The following LRRN2 variants were observed in gnomAD, a reference collection of about 807,000 sequenced individuals.
LRRN2 encodes the protein leucine rich repeat neuronal 2.
Under a neutral mutation model 35.7 loss-of-function variants are expected in LRRN2, and 10 were observed. The observed-to-expected ratio is 0.28, with a 90% CI of 0.17 to 0.47. The LOEUF is 0.47. Among genes scored for constraint, LRRN2 ranks in the 20% least tolerant of loss-of-function variants. LRRN2 has a pLI of 0.99. For synonymous variants in LRRN2, 391 were observed against 409.6 expected (o/e 0.95, Z 0.55); for missense variants, 731 against 940.3 (o/e 0.78, Z 2.91).
intron 1 of LRRN2, chr1:204,629,406 A>G (rs1667608333): frequency 6.5e-6 from 1 of 152,750 alleles, no homozygotes; most frequent in Admixed American, 6.5e-5. Context: ...AATGTGCTAC[A>G]TATACACTGA....
intron 1 of LRRN2, among the ~76,000 whole-genome samples, chr1:204,641,005 G>A (rs201578639): frequency 1.8e-3 from 261 of 141,860 alleles, no homozygotes; most frequent in Middle Eastern, 7.1e-3. Flanking sequence ...GGTTAAAAAA[G>A]AAAAAAAAAA....
intron 1 of LRRN2, among the ~76,000 whole-genome samples, chr1:204,656,514 G>A (rs565048471): frequency 6.6e-6 from 1 of 152,244 alleles, no homozygotes; most frequent in East Asian, 1.9e-4. Flanking sequence ...TTTTGGTAGA[G>A]TACATCTTTT....
intron 1 of LRRN2, among the ~76,000 whole-genome samples, chr1:204,639,145 C>T (rs979583476): frequency 6.6e-6 from 1 of 152,218 alleles, no homozygotes; most frequent in African/African-American, 2.4e-5. Context: ...ATGGAGAGAA[C>T]CCAGGCTTAG....
rs145572339 is a variant in LRRN2, at chr1:204,618,098, A to G, written c.1895T>C (p.Ile632Thr). The G allele has an allele frequency of 5.6e-5, 91 of 1,614,084 alleles. No individual in the cohort carries two copies. The highest frequency in any genetic ancestry group is 4.9e-4 in the Middle Eastern group (3 of 6,062). ...AAGGACAGCGAGAGCCAGGATGGCA[A>G]TGAGCCCAGGACGGTCCCCTAAGGC... Reference protein sequence around the residue: ...HRALGDRPGLIAILALAVLLL... With the variant: ...HRALGDRPGLTAILALAVLLL... The change falls in exon 2 of 2, where the codon ATT becomes ACT. Residue 632 changes from isoleucine to threonine, a missense_variant. Ile to Thr is a moderately conservative substitution (Grantham distance 89). Transcript: ENST00000367177.
chr1:204,669,578 T>C (rs1416911422), intron 1 of LRRN2, among the ~76,000 whole-genome samples: 1 of 152,166 alleles, frequency 6.6e-6, no homozygotes, highest in Non-Finnish European at 1.5e-5. Context: ...TGGGGCCTGG[T>C]AAAATTCTGA....
intron 1 of LRRN2, chr1:204,633,042 G>C (rs1325754318): frequency 6.6e-6 from 1 of 152,168 alleles, no homozygotes. Context: ...CAACAGTGTT[G>C]GGAGGTGGGG....
chr1:204,637,428 G>A (rs1232397898), intron 1 of LRRN2, among the ~76,000 whole-genome samples: 2 of 152,150 alleles, frequency 1.3e-5, no homozygotes, highest in Non-Finnish European at 2.9e-5. Flanking sequence ...GCAGCCAGAG[G>A]GAGCGGCTCA....
intron 1 of LRRN2, among the ~76,000 whole-genome samples, chr1:204,684,563 C>CTG (rs1321782116): frequency 2.6e-5 from 4 of 152,208 alleles, no homozygotes; most frequent in Non-Finnish European, 2.9e-5. Context: ...CAGCCAGAGC[C>CTG]TGCGCCACCC....
chr1:204,678,918 A>C (rs55636403), intron 1 of LRRN2, among the ~76,000 whole-genome samples: 27,668 of 152,114 alleles, frequency 0.18, 2,823 homozygotes, highest in East Asian at 0.37. Context: ...ATAAACTAAA[A>C]GCTCCTGAAG....
At chr1:204,657,568 G>T (rs538231717) in intron 1 of LRRN2, among the ~76,000 whole-genome samples, 2 of 145,252 alleles carry the variant, frequency 1.4e-5, no homozygotes, top group East Asian at 5.0e-4. Context: ...TGGTTGCCAG[G>T]ATCTGGGGGA....
At chr1:204,665,232 G>A (rs919030471) in intron 1 of LRRN2, among the ~76,000 whole-genome samples, 6 of 152,250 alleles carry the variant, frequency 3.9e-5, no homozygotes, top group East Asian at 1.9e-4. Flanking sequence ...GAGTGATCAT[G>A]CATTCCCGGG....
chr1:204,647,323 C>T (rs1252070776), intron 1 of LRRN2, among the ~76,000 whole-genome samples: 2 of 152,136 alleles, frequency 1.3e-5, no homozygotes, highest in African/African-American at 4.8e-5. Flanking sequence ...TTAGATACCA[C>T]CACACTGTTA....
At position 204,619,973 on chromosome 1, in the gene LRRN2, G is replaced by A. The variant is rs3789044; in HGVS notation, c.20C>T (p.Pro7Leu). The A allele has an allele frequency of 0.21, 341,284 of 1,610,068 alleles. 38,231 individuals are homozygous for A. Among genetic ancestry groups the A allele is most frequent in the East Asian group, 0.34 (15,360 of 44,728 alleles). The change falls in exon 2 of 2, where the codon CCA (proline) becomes CTA (leucine). Residue 7 changes from proline to leucine, a missense_variant. Coordinates refer to ENST00000367177, the MANE Select transcript of LRRN2 (RefSeq NM_201630.2). The part of the protein sequence containing the change: MRLLVA[P>L]LLLAWVAGAT... ...ACCAGCCACCCAAGCTAGCAAGAGT[G>A]GGGCCACGAGAAGCCTCATGGTGGA...
intron 1 of LRRN2, chr1:204,628,289 C>CAAG (rs1667552591): frequency 6.6e-6 from 1 of 152,298 alleles, no homozygotes; most frequent in African/African-American, 2.4e-5. Context: ...CTCTCAGGCT[C>CAAG]CCCTTCCAGA....
intron 1 of LRRN2, among the ~76,000 whole-genome samples, chr1:204,638,497 C>T (rs1352791185): frequency 3.4e-5 from 5 of 144,986 alleles, no homozygotes; most frequent in East Asian, 2.0e-4. Flanking sequence ...CTGCAACCTC[C>T]GCCCTCTAGG....
At chr1:204,621,561 G>A (rs972235745) in intron 1 of LRRN2, 2 of 167,098 alleles carry the variant, frequency 1.2e-5, no homozygotes, top group African/African-American at 2.4e-5. Flanking sequence ...CCTGTAGTAC[G>A]GGATGGGTGC....
At chr1:204,668,051 C>T (rs561689386) in intron 1 of LRRN2, among the ~76,000 whole-genome samples, 13 of 152,268 alleles carry the variant, frequency 8.5e-5, no homozygotes, top group African/African-American at 3.1e-4. Context: ...CAGAGTACTC[C>T]ATTCCTGGCG....
At chr1:204,652,263 C>CCCCCGCCCCCCG (rs71147708) in intron 1 of LRRN2, among the ~76,000 whole-genome samples, 2 of 73,422 alleles carry the variant, frequency 2.7e-5, no homozygotes, top group Non-Finnish European at 4.8e-5. Context: ...CTTCACCGCC[C>CCCCCGCCCCCCG]CCCCCCCGCC....
chr1:204,680,858 C>T (rs530868701), intron 1 of LRRN2, among the ~76,000 whole-genome samples: 1 of 152,328 alleles, frequency 6.6e-6, no homozygotes, highest in South Asian at 2.1e-4. Context: ...TGTCCCCAGA[C>T]CCACCATCTC....
Sources: gnomAD v4.1 joint callset for allele counts (sites outside exome capture counted in the v4.1 genomes callset) on GRCh38, gnomAD v4.1.1 for gene constraint, MANE v1.5 for transcripts, NCBI Gene and HGNC (gene_info 2026-07-23, HGNC 2026-07-21) for gene names.